Variants in ADSS1 observed in about 807,000 individuals in gnomAD.
The protein encoded by ADSS1 is adenylosuccinate synthetase isozyme 1.
In ADSS1, 57 loss-of-function variants were observed where a neutral mutation model predicts 59.1. The observed-to-expected ratio is 0.97, with a 90% CI of 0.78 to 1.20. The LOEUF (loss-of-function observed/expected upper bound fraction) is 1.20, where lower values mean the gene tolerates loss of function less well. Among genes scored for constraint, ADSS1 ranks in the 50% most tolerant of loss-of-function variants. The pLI, the probability that ADSS1 is intolerant of heterozygous loss-of-function variation, is 0.00. For missense variants in ADSS1, 603 were observed against 610.3 expected, an observed-to-expected ratio of 0.99 and a Z score of 0.13; for synonymous variants, 247 against 249.4, an observed-to-expected ratio of 0.99 and a Z score of 0.09.
intron 4 of ADSS1, 103 bp downstream of exon 4, chr14:104,739,481 C>A: frequency 7.7e-7 from 1 of 1,292,400 alleles, no homozygotes; most frequent in Non-Finnish European, 1.1e-6. Context: ...GTCCCCAAGG[C>A]CTTCTTGCTC....
intron 1 of ADSS1, among the ~76,000 whole-genome samples, chr14:104,727,636 C>A (rs907704541): frequency 2.0e-5 from 3 of 152,184 alleles, no homozygotes; most frequent in Non-Finnish European, 1.5e-5. Flanking sequence ...TCCTCCCTTG[C>A]GTCCATGGCG....
At chr14:104,728,319 G>C (rs1053919776) in intron 1 of ADSS1, among the ~76,000 whole-genome samples, 1 of 152,090 alleles carries the variant, frequency 6.6e-6, no homozygotes, top group Non-Finnish European at 1.5e-5. Flanking sequence ...GATGGTGCTG[G>C]TTACTGGGCC....
chr14:104,730,875 T>C (rs1890900797), intron 1 of ADSS1, among the ~76,000 whole-genome samples: 1 of 149,272 alleles, frequency 6.7e-6, no homozygotes, highest in African/African-American at 2.5e-5. Context: ...GAGCCTCTTT[T>C]CCTAAACTCC....
At chr14:104,727,930 G>A (rs899586449) in intron 1 of ADSS1, among the ~76,000 whole-genome samples, 4 of 152,204 alleles carry the variant, frequency 2.6e-5, no homozygotes, top group Non-Finnish European at 4.4e-5. Flanking sequence ...CCCAGTACAC[G>A]GGCTGAAGGG....
chr14:104,731,279 C>T (rs1247352884), intron 1 of ADSS1, among the ~76,000 whole-genome samples: 5 of 152,192 alleles, frequency 3.3e-5, no homozygotes, highest in African/African-American at 9.7e-5. Context: ...GGAAAGGTGG[C>T]ATGATGTGGC....
chr14:104,747,099 G>A lies in ADSS1; in HGVS notation c.*96G>A, dbSNP rs1284895691. 1.8e-6 allele frequency: 2 copies of A among 1,121,190 alleles called. No homozygotes were observed. Among genetic ancestry groups the A allele is most frequent in the African/African-American group, 1.6e-5 (1 of 63,904 alleles). 69.5% of individuals were successfully genotyped at this position (1,121,190 alleles called of 1,614,324 possible). A position where few individuals can be genotyped will look rare whatever the true frequency, so the allele number is the denominator to read the frequency against. On this transcript the variant is annotated 3_prime_UTR_variant, in exon 13 of 13. Transcript: ENST00000330877. ...CTCGGCCGCCACAACCAACACCAAA[G>A]CAGGAAAACCATTTTCTGTACTTTT...
intron 3 of ADSS1, among the ~76,000 whole-genome samples, chr14:104,738,859 C>T (rs772249371): frequency 8.5e-5 from 13 of 152,174 alleles, no homozygotes; most frequent in Admixed American, 3.3e-4. Flanking sequence ...TGGGCAGGGA[C>T]GGACGGCAGC....
intron 11 of ADSS1, 75 bp from the exon 12 acceptor site, chr14:104,746,161 C>T (rs1307316647): frequency 8.5e-6 from 13 of 1,528,772 alleles, no homozygotes; most frequent in Middle Eastern, 1.8e-4. Flanking sequence ...TGGGGGTGGC[C>T]GTGTCACCAA....
chr14:104,742,679 T>G (rs1236796669), intron 9 of ADSS1, among the ~76,000 whole-genome samples: 1 of 152,098 alleles, frequency 6.6e-6, no homozygotes, highest in African/African-American at 2.4e-5. Context: ...GGGATACATA[T>G]CGGGAGATAC....
chr14:104,741,251 C>T lies in ADSS1; in HGVS notation c.793+8C>T, dbSNP rs1359247463. The T allele has an allele frequency of 7.7e-6, 12 of 1,559,428 alleles. No individual in the cohort carries two copies. The highest frequency in any genetic ancestry group is 5.8e-5 in the Admixed American group (3 of 51,372). ...TCCTCGACATTGACTTCGGTATGTC[C>T]GGGAGGGTGTGCGTGCCAACGACCT... On this transcript the variant is annotated splice_region_variant and intron_variant, in intron 8 of 12. Coordinates refer to ENST00000330877, the MANE Select transcript of ADSS1 (RefSeq NM_152328.5).
Position 104,740,470 on chromosome 14 carries a change from C to G in ADSS1, c.477-131C>G. The G allele has an allele frequency of 1.3e-6, 1 of 781,526 alleles. No individual in the cohort carries two copies. The highest frequency in any genetic ancestry group is 2.1e-6 in the Non-Finnish European group (1 of 469,326). The allele number at this position is 781,526 out of a possible 1,614,324, so 48.4% of individuals were successfully genotyped here. On this transcript the variant is annotated intron_variant, in intron 5 of 12. Coordinates refer to ENST00000330877, the MANE Select transcript of ADSS1 (RefSeq NM_152328.5). This position sits in a 1 kb window ranked among gnomAD's most constrained non-coding sequence, Gnocchi z 4.8. Reference sequence around the variant, plus strand: ...GTACACCCACACACGCACACACTCACAGCTCAGCCAGACACAGGCAGCAAT... The same window carrying G: ...GTACACCCACACACGCACACACTCAGAGCTCAGCCAGACACAGGCAGCAAT...
intron 2 of ADSS1, 138 bp downstream of exon 2, chr14:104,735,260 G>T (rs889666220): frequency 2.7e-6 from 2 of 737,212 alleles, no homozygotes; most frequent in Admixed American, 2.6e-5. Flanking sequence ...GCCTCCACCT[G>T]CCCCACCAGG....
intron 3 of ADSS1, 52 bp from the exon 4 acceptor site, chr14:104,739,274 TGA>T: frequency 6.4e-7 from 1 of 1,563,596 alleles, no homozygotes; most frequent in South Asian, 1.2e-5. Context: ...CCCTCACGTG[TGA>T]GCTGCAGCGC....
Position 104,740,548 on chromosome 14 carries a change from T to C in ADSS1, c.477-53T>C. 6.5e-7 allele frequency: 1 copy of C among 1,547,002 alleles called. No individual in the cohort carries two copies. Among genetic ancestry groups the C allele is most frequent in the Non-Finnish European group, 8.9e-7 (1 of 1,127,142 alleles). ...GGGGTCATGGCCTCAGTGGGATGCC[T>C]GAGCTCCTCAGGGCTCCTGGGTTCT... On this transcript the variant is annotated intron_variant, in intron 5 of 12. Transcript: ENST00000330877. This position sits in a 1 kb window ranked among gnomAD's most constrained non-coding sequence, Gnocchi z 4.8.
rs200846621 is a variant in ADSS1, at chr14:104,742,050, G to A, written c.948+48G>A. On this transcript the variant is annotated intron_variant, in intron 9 of 12. Coordinates refer to ENST00000330877, the MANE Select transcript of ADSS1 (RefSeq NM_152328.5). ...CCCCGTGGGAGGACAGGGAGGCCAG[G>A]CAGGGGTGCCGGGGGTGGGGTGAGC... 3.7e-5 allele frequency: 59 copies of A among 1,603,156 alleles called. No individual in the cohort carries two copies. The East Asian group carries it at 1.2e-3, about 33-fold the overall frequency.
chr14:104,740,377 A>G lies in ADSS1; in HGVS notation c.477-224A>G, dbSNP rs1320920668. Among the ~76,000 whole-genome samples the G allele has an allele frequency of 6.6e-6, 1 of 151,906 alleles. No homozygotes were observed. Among genetic ancestry groups the G allele is most frequent in the Non-Finnish European group, 1.5e-5 (1 of 67,962 alleles). On this transcript the variant is annotated intron_variant, in intron 5 of 12. Transcript: ENST00000330877. This position sits in a 1 kb window ranked among gnomAD's most constrained non-coding sequence, Gnocchi z 4.8. ...TGCACAAAAGTACACACAGCCACAC[A>G]TGCACACACTCCACATGCACACATC...
intron 3 of ADSS1, 145 bp downstream of exon 3, chr14:104,738,583 C>T (rs921859769): frequency 3.1e-5 from 27 of 879,426 alleles, no homozygotes; most frequent in Middle Eastern, 3.5e-4. Flanking sequence ...CATCACCCGC[C>T]GGCTCTACCC....
chr14:104,743,831 T>C (rs1771480799), intron 10 of ADSS1, among the ~76,000 whole-genome samples: 1 of 152,258 alleles, frequency 6.6e-6, no homozygotes, highest in South Asian at 2.1e-4. Flanking sequence ...GCTGAGGGTG[T>C]GGCGTCTGGG....
chr14:104,743,000 G>A (rs1891426368), intron 9 of ADSS1, 67 bp from the exon 10 acceptor site: 3 of 1,597,746 alleles, frequency 1.9e-6, no homozygotes, highest in Admixed American at 1.7e-5. Flanking sequence ...AGGAGGGGGA[G>A]CAGCAGGGCC....
Sources: gnomAD v4.1 joint callset for allele counts (sites outside exome capture counted in the v4.1 genomes callset) on GRCh38, gnomAD v4.1.1 for gene constraint, Gnocchi (gnomAD v3.1) non-coding constraint, MANE v1.5 for transcripts, NCBI Gene and HGNC (gene_info 2026-07-23, HGNC 2026-07-21) for gene names.